Variants in NECAB1 observed in about 807,000 individuals in gnomAD.
NECAB1 encodes the protein N-terminal EF-hand calcium-binding protein 1.
Under a neutral mutation model 57.5 loss-of-function variants are expected in NECAB1, and 29 were observed. The ratio of observed to expected loss-of-function variants is 0.50; its 90% confidence interval spans 0.38 to 0.69. The LOEUF (loss-of-function observed/expected upper bound fraction) is 0.69, where lower values mean the gene tolerates loss of function less well. Among genes scored for constraint, NECAB1 ranks in the 30% least tolerant of loss-of-function variants. NECAB1 has a pLI of 0.00. For synonymous variants in NECAB1, 142 were observed against 147.7 expected (o/e 0.96, Z 0.28); for missense variants, 372 against 413.8 (o/e 0.90, Z 0.88).
intron 5 of NECAB1, among the ~76,000 whole-genome samples, chr8:90,901,331 T>G (rs1809498925): frequency 6.6e-6 from 1 of 152,132 alleles, no homozygotes; most frequent in African/African-American, 2.4e-5. Context: ...TAATTGCTGG[T>G]TTTCAGCTTT....
chr8:90,869,142 A>G (rs1295958020), intron 3 of NECAB1, among the ~76,000 whole-genome samples: 1 of 152,256 alleles, frequency 6.6e-6, no homozygotes, highest in East Asian at 1.9e-4. Context: ...ACAGGTGTGC[A>G]GAAGGCAAGA....
intron 5 of NECAB1, among the ~76,000 whole-genome samples, chr8:90,897,432 CAT>C (rs1393775274): frequency 6.6e-6 from 1 of 152,162 alleles, no homozygotes; most frequent in Non-Finnish European, 1.5e-5. Context: ...AATTACATGA[CAT>C]ATGCTAGGTG....
intron 3 of NECAB1, among the ~76,000 whole-genome samples, chr8:90,832,767 C>T (rs1464096379): frequency 1.3e-5 from 2 of 152,062 alleles, no homozygotes; most frequent in Non-Finnish European, 1.5e-5. Flanking sequence ...ATAACTTGCC[C>T]AAAGTTACAT....
chr8:90,837,282 C>T (rs530508090), intron 3 of NECAB1, among the ~76,000 whole-genome samples: 1 of 152,174 alleles, frequency 6.6e-6, no homozygotes, highest in Non-Finnish European at 1.5e-5. Flanking sequence ...CCAAGACCCA[C>T]AGTGGATGCT....
In NECAB1 at chr8:90,958,022, T is replaced by C. The variant is rs1194254368; in HGVS notation, c.*2510T>C. 6.7e-6 allele frequency: 1 copy of C among 149,076 alleles called. No homozygotes were observed. Among genetic ancestry groups the C allele is most frequent in the Admixed American group, 6.7e-5 (1 of 14,876 alleles). 9.2% of individuals were successfully genotyped at this position (149,076 alleles called of 1,614,324 possible). ...CCAATAGACCTAGGGATCTAAGAAATAGAATTAGGGAGAGTTTACACTTAC... is the reference window on the plus strand; with the variant it reads ...CCAATAGACCTAGGGATCTAAGAAACAGAATTAGGGAGAGTTTACACTTAC... On this transcript the variant is annotated 3_prime_UTR_variant, in exon 13 of 13. Coordinates refer to ENST00000417640, the MANE Select transcript of NECAB1 (RefSeq NM_022351.5).
intron 8 of NECAB1, among the ~76,000 whole-genome samples, chr8:90,931,220 C>T (rs1270760704): frequency 6.6e-6 from 1 of 152,164 alleles, no homozygotes; most frequent in East Asian, 1.9e-4. Context: ...AGAAGCAGTG[C>T]AAGTTCAGTT....
chr8:90,809,909 C>T (rs1811926891), intron 2 of NECAB1, among the ~76,000 whole-genome samples: 1 of 152,014 alleles, frequency 6.6e-6, no homozygotes, highest in South Asian at 2.1e-4. Flanking sequence ...GAAAATATTA[C>T]AGTAATAACA....
intron 3 of NECAB1, among the ~76,000 whole-genome samples, chr8:90,856,889 C>T (rs925956500): frequency 2.6e-5 from 4 of 152,132 alleles, no homozygotes; most frequent in Admixed American, 2.0e-4. Flanking sequence ...AACTAAGTAA[C>T]GCGGCAACTT....
rs75784030 is a variant in NECAB1, at chr8:90,908,956, C to T, written c.358-8536C>T. 6.4e-3 allele frequency among the ~76,000 whole-genome samples: 978 copies of T among 152,156 alleles called. 9 individuals are homozygous for T. Among genetic ancestry groups the T allele is most frequent in the African/African-American group, 0.023 (950 of 41,522 alleles). ...TTTAATTTATAGGCTATCTTGCAAT[C>T]GCTTTTATTTATATATTTTTACAGT... On this transcript the variant is annotated intron_variant, in intron 5 of 12. Transcript: ENST00000417640.
In NECAB1 at chr8:90,943,377, T is replaced by C. The variant is rs369491838; in HGVS notation, c.860+2479T>C. Among the ~76,000 whole-genome samples the C allele has an allele frequency of 1.3e-4, 20 of 152,334 alleles. No individual in the cohort carries two copies. The South Asian group carries it at 2.1e-3, about 16-fold the overall frequency. ...ATTGCTGATTTTTCAGGTAATTTCT[T>C]TTACTGGAATTATCAAAATGTAGAC... On this transcript the variant is annotated intron_variant, in intron 10 of 12. Coordinates refer to ENST00000417640, the MANE Select transcript of NECAB1 (RefSeq NM_022351.5).
chr8:90,943,989 C>T (rs1586147658), intron 10 of NECAB1, among the ~76,000 whole-genome samples: 1 of 152,102 alleles, frequency 6.6e-6, no homozygotes, highest in Admixed American at 6.6e-5. Flanking sequence ...CAGGCTCAAG[C>T]GATCCTCTTG....
intron 5 of NECAB1, among the ~76,000 whole-genome samples, chr8:90,889,929 A>G (rs1809114494): frequency 6.6e-6 from 1 of 151,034 alleles, no homozygotes; most frequent in Non-Finnish European, 1.5e-5. Flanking sequence ...TAAAACTACC[A>G]TAGTGGTCAA....
rs745760960 is a variant in NECAB1 at position 90,951,218 on chromosome 8, G to T, written c.1030+14G>T. 1 of 1,469,098 alleles carries T rather than the reference G, an allele frequency of 6.8e-7. No homozygotes were observed. Among genetic ancestry groups the T allele is most frequent in the South Asian group, 1.2e-5 (1 of 83,942 alleles). 91.0% of individuals were successfully genotyped at this position (1,469,098 alleles called of 1,614,324 possible). The stretch of plus-strand genomic sequence containing the variant: ...TGCTAGTTCCTGGTAATTATCCTGG[G>T]TTTACAATGCTTCTGTGTCCTTTTG... On this transcript the variant is annotated intron_variant, in intron 12 of 12. Transcript: ENST00000417640.
At chr8:90,838,938 A>G (rs1484038080) in intron 3 of NECAB1, among the ~76,000 whole-genome samples, 1 of 152,210 alleles carries the variant, frequency 6.6e-6, no homozygotes, top group Non-Finnish European at 1.5e-5. Context: ...CTTGCACAAG[A>G]TTTCTTAACC....
chr8:90,816,974 C>T (rs1812069940), intron 2 of NECAB1, among the ~76,000 whole-genome samples: 1 of 151,488 alleles, frequency 6.6e-6, no homozygotes, highest in South Asian at 2.1e-4. Context: ...TTACTTAGAT[C>T]CTATTTAATT....
intron 5 of NECAB1, among the ~76,000 whole-genome samples, chr8:90,881,589 C>T (rs2129879184): frequency 6.6e-6 from 1 of 152,318 alleles, no homozygotes; most frequent in Admixed American, 6.5e-5. Flanking sequence ...CCGCCCCTCT[C>T]CTTCCTCCTC....
intron 3 of NECAB1, among the ~76,000 whole-genome samples, chr8:90,864,078 A>G (rs1808460370): frequency 6.6e-6 from 1 of 152,142 alleles, no homozygotes; most frequent in Non-Finnish European, 1.5e-5. Context: ...GCAATTTGAT[A>G]TTGCTACAAC....
intron 5 of NECAB1, among the ~76,000 whole-genome samples, chr8:90,901,301 T>C (rs1391766497): frequency 1.3e-5 from 2 of 152,058 alleles, no homozygotes; most frequent in Non-Finnish European, 2.9e-5. Context: ...CTTAAATAGA[T>C]GATGTTTCCT....
chr8:90,791,842 G>A lies in NECAB1; in HGVS notation c.-45G>A, dbSNP rs1268174154. On this transcript the variant is annotated 5_prime_UTR_variant, in exon 1 of 13. Coordinates refer to ENST00000417640, the MANE Select transcript of NECAB1 (RefSeq NM_022351.5). ...GCCGCGCCCTTGCCAGAGCCGGTGC[G>A]TCCGCCTAGCCCCGCTCCGCCTGAG... The A allele has an allele frequency of 6.7e-7, 1 of 1,485,994 alleles. No homozygotes were observed. Among genetic ancestry groups the A allele is most frequent in the African/African-American group, 1.4e-5 (1 of 71,660 alleles). 92.1% of individuals were successfully genotyped at this position (1,485,994 alleles called of 1,614,324 possible). A position where few individuals can be genotyped will look rare whatever the true frequency, so the allele number is the denominator to read the frequency against.
Sources: gnomAD v4.1 joint callset for allele counts (sites outside exome capture counted in the v4.1 genomes callset) on GRCh38, gnomAD v4.1.1 for gene constraint, MANE v1.5 for transcripts, NCBI Gene and HGNC (gene_info 2026-07-23, HGNC 2026-07-21) for gene names.